Variants in ATIC observed in about 807,000 individuals in gnomAD.
The protein encoded by ATIC is bifunctional purine biosynthesis protein ATIC.
ATIC carries 64 observed loss-of-function variants against 72.5 expected under a neutral mutation model. That is an observed-to-expected ratio of 0.88 (90% CI 0.72 to 1.09). The LOEUF (loss-of-function observed/expected upper bound fraction) is 1.09. ATIC is among the 50% of genes least tolerant of loss of function. ATIC has a pLI of 0.00. For missense variants in ATIC, 787 were observed against 732.4 expected (o/e 1.07, Z -0.86); for synonymous variants, 281 against 267.1 (o/e 1.05, Z -0.51).
chr2:215,322,886 A>C (rs1429491953), intron 4 of ATIC, among the ~76,000 whole-genome samples: 1 of 152,060 alleles, frequency 6.6e-6, no homozygotes, highest in Non-Finnish European at 1.5e-5. Flanking sequence ...ACAAATTTTG[A>C]AATCAGCAAG....
intron 3 of ATIC, among the ~76,000 whole-genome samples, chr2:215,319,185 T>C (rs1245749829): frequency 3.3e-5 from 5 of 152,112 alleles, no homozygotes; most frequent in Non-Finnish European, 4.4e-5. Context: ...CAGCCAGATA[T>C]ATCTGTTAAT....
intron 2 of ATIC, among the ~76,000 whole-genome samples, chr2:215,317,375 A>G (rs2052721241): frequency 1.3e-5 from 2 of 152,150 alleles, no homozygotes; most frequent in Admixed American, 6.5e-5. Context: ...TAAACCTTTG[A>G]TTCATAAGGA....
At chr2:215,340,601 T>C (rs2053009078) in intron 12 of ATIC, among the ~76,000 whole-genome samples, 2 of 152,224 alleles carry the variant, frequency 1.3e-5, no homozygotes, top group South Asian at 2.1e-4. Context: ...GTCCTTCTTT[T>C]GGGCAGATAA....
At chr2:215,347,475 G>T in intron 14 of ATIC, 1 of 416,086 alleles carries the variant, frequency 2.4e-6, no homozygotes, top group Non-Finnish European at 4.7e-6. Flanking sequence ...ACGTTAGGTA[G>T]GTAGCCCGCC....
chr2:215,316,960 C>G (rs2105992197), intron 2 of ATIC, among the ~76,000 whole-genome samples: 1 of 152,240 alleles, frequency 6.6e-6, no homozygotes, highest in Admixed American at 6.5e-5. Flanking sequence ...CGGGGTTTCA[C>G]CATGTTGGTC....
chr2:215,348,951 C>T (rs528851139), intron 14 of ATIC, 143 bp from the exon 15 acceptor site: 8 of 644,628 alleles, frequency 1.2e-5, no homozygotes, highest in South Asian at 7.4e-5. Flanking sequence ...TGCAAAACTC[C>T]GTCTAAAAAA....
Position 215,329,340 on chromosome 2 carries a change from T to C in ATIC, c.688+2362T>C, listed in dbSNP as rs148824524. Among the ~76,000 whole-genome samples, 13 of 152,378 alleles carry C rather than the reference T, an allele frequency of 8.5e-5. No individual in the cohort carries two copies. In the East Asian group the frequency reaches 2.5e-3, roughly 29 times the overall value. On this transcript the variant is annotated intron_variant, in intron 7 of 15. Coordinates refer to ENST00000236959, the MANE Select transcript of ATIC (RefSeq NM_004044.7). ...TAAAAGCCTTCATTGTTCCTTAGAC[T>C]GTGTGTGCGTTTCTTTTGAAGTTTA...
intron 14 of ATIC, chr2:215,347,593 A>T (rs2106044535): frequency 2.0e-6 from 1 of 490,636 alleles, no homozygotes; most frequent in South Asian, 1.5e-5. Context: ...CTGAAGAGCC[A>T]ATTGACTACC....
At chr2:215,338,977 T>A in intron 12 of ATIC, 70 bp downstream of exon 12, 1 of 1,593,624 alleles carries the variant, frequency 6.3e-7, no homozygotes, top group Non-Finnish European at 8.6e-7. Flanking sequence ...TTAATGAGCT[T>A]TACATTTATT....
chr2:215,328,141 T>C (rs1269157532), intron 7 of ATIC, among the ~76,000 whole-genome samples: 1 of 151,984 alleles, frequency 6.6e-6, no homozygotes, highest in Admixed American at 6.6e-5. Flanking sequence ...CCCAGAGTGC[T>C]GGGATTACAG....
chr2:215,359,259 C>T, the ATIC span, among the ~76,000 whole-genome samples: 1 of 152,154 alleles, frequency 6.6e-6, no homozygotes, highest in Non-Finnish European at 1.5e-5. Flanking sequence ...CAGTCTCAAC[C>T]TAAAGCTGCT....
chr2:215,325,891 A>G, intron 5 of ATIC, 96 bp from the exon 6 acceptor site: 1 of 1,455,730 alleles, frequency 6.9e-7, no homozygotes, highest in Non-Finnish European at 9.5e-7. Flanking sequence ...TAAGTCAGGA[A>G]TTAAAATGGA....
chr2:215,326,716 A>T, intron 6 of ATIC, 106 bp from the exon 7 acceptor site: 1 of 1,370,238 alleles, frequency 7.3e-7, no homozygotes, highest in Non-Finnish European at 1.0e-6. Context: ...GCCACCACAT[A>T]GCACTGAATA....
In ATIC at chr2:215,318,323, G is replaced by T. The variant is rs182367530; in HGVS notation, c.223+90G>T. The T allele has an allele frequency of 3.1e-5, 38 of 1,234,782 alleles. No homozygotes were observed. In the African/African-American group the frequency reaches 3.9e-4, roughly 13 times the overall value. 76.5% of individuals were successfully genotyped at this position (1,234,782 alleles called of 1,614,324 possible). ...CGTCCTAAAATAAAGGAAGAAAAAGGCTCAAGAGAAATTTACATATAAAGT... is the reference window on the plus strand; with the variant it reads ...CGTCCTAAAATAAAGGAAGAAAAAGTCTCAAGAGAAATTTACATATAAAGT... On this transcript the variant is annotated intron_variant, in intron 3 of 15. Coordinates refer to ENST00000236959, the MANE Select transcript of ATIC (RefSeq NM_004044.7).
intron 7 of ATIC, among the ~76,000 whole-genome samples, 157 bp downstream of exon 7, chr2:215,327,135 T>G (rs907956723): frequency 1.3e-5 from 2 of 152,154 alleles, no homozygotes; most frequent in Non-Finnish European, 2.9e-5. Context: ...CCATTTGGAC[T>G]GAAGAGCACA....
chr2:215,366,409 C>T, the ATIC span, among the ~76,000 whole-genome samples: 4 of 152,174 alleles, frequency 2.6e-5, no homozygotes, highest in African/African-American at 7.2e-5. Flanking sequence ...CTGATCTCTA[C>T]ACGCCACCAC....
intron 12 of ATIC, 49 bp from the exon 13 acceptor site, chr2:215,344,722 TAAAGTTAA>T: frequency 6.6e-7 from 1 of 1,517,486 alleles, no homozygotes; most frequent in South Asian, 1.1e-5. Flanking sequence ...AAAAGAAGCT[TAAAGTTAA>T]ATGAGTTTAA....
chr2:215,338,188 C>T (rs930005424), intron 11 of ATIC, among the ~76,000 whole-genome samples: 3 of 152,110 alleles, frequency 2.0e-5, no homozygotes, highest in African/African-American at 4.8e-5. Flanking sequence ...TTCCACACAC[C>T]TTAATGTTCT....
intron 11 of ATIC, 100 bp from the exon 12 acceptor site, chr2:215,338,679 A>G (rs777820900): frequency 1.2e-5 from 15 of 1,288,336 alleles, no homozygotes; most frequent in Admixed American, 2.4e-5. Context: ...AGAAACATGC[A>G]TATAACTTTA....
Sources: allele counts gnomAD v4.1 joint callset (sites outside exome capture counted in the v4.1 genomes callset), GRCh38; gene constraint gnomAD v4.1.1; transcripts MANE v1.5; gene names NCBI Gene and HGNC (gene_info 2026-07-23, HGNC 2026-07-21).